Variants in DRC4 observed in about 807,000 individuals in gnomAD.
DRC4 encodes GAS-11.
chr16:90,042,632 C>T, the DRC4 span: 51 of 992,442 alleles, frequency 5.1e-5, 1 homozygote, highest in African/African-American at 5.7e-4. Context: ...GTGCCCACTT[C>T]GTACCTCGTT....
At chr16:90,021,856 C>CAAA in the DRC4 span, among the ~76,000 whole-genome samples, 1 of 28,940 alleles carries the variant, frequency 3.5e-5, no homozygotes, top group African/African-American at 1.3e-4. Flanking sequence ...ACCCTGTCTC[C>CAAA]AAAAAAAAAA....
chr16:90,044,958 A>G, the DRC4 span: 2 of 185,332 alleles, frequency 1.1e-5, no homozygotes, highest in East Asian at 1.6e-4. Context: ...GGATTATACT[A>G]TTTGTATTGT....
At chr16:90,020,002 G>A in the DRC4 span, 4 of 699,964 alleles carry the variant, frequency 5.7e-6, no homozygotes, top group Non-Finnish European at 1.0e-5. Context: ...AGAGCGCCAA[G>A]GCAGTTTCGA....
the DRC4 span, among the ~76,000 whole-genome samples, chr16:90,041,848 A>G: frequency 3.9e-5 from 6 of 152,118 alleles, no homozygotes; most frequent in African/African-American, 1.2e-4. Flanking sequence ...AATTTAAGCA[A>G]TATGTAGGTG....
chr16:90,027,252 A>G, the DRC4 span, among the ~76,000 whole-genome samples: 1 of 149,788 alleles, frequency 6.7e-6, no homozygotes, highest in Non-Finnish European at 1.5e-5. Flanking sequence ...CGCCCGGCTA[A>G]TTTTTTTTTG....
the DRC4 span, chr16:90,039,977 A>T: frequency 2.6e-6 from 1 of 386,896 alleles, no homozygotes; most frequent in South Asian, 2.4e-5. Context: ...CACTCGGGCA[A>T]GACTGGCCTC....
At chr16:90,036,422 G>A in the DRC4 span, 3 of 1,612,208 alleles carry the variant, frequency 1.9e-6, no homozygotes, top group Non-Finnish European at 2.5e-6. Flanking sequence ...GATGCTGAGG[G>A]ACGAACTCGA....
the DRC4 span, chr16:90,027,873 G>A: frequency 7.5e-6 from 5 of 666,072 alleles, no homozygotes; most frequent in African/African-American, 3.6e-5. Context: ...TCCCATCAGC[G>A]GCAAAGCTTT....
chr16:90,025,867 T>A, the DRC4 span, among the ~76,000 whole-genome samples: 3 of 121,430 alleles, frequency 2.5e-5, no homozygotes, highest in Admixed American at 9.1e-5. Flanking sequence ...GGAGACTCCA[T>A]CTCAAAAAAA....
chr16:90,031,619 T>A, the DRC4 span: 4 of 1,093,298 alleles, frequency 3.7e-6, no homozygotes, highest in Non-Finnish European at 5.1e-6. Flanking sequence ...GCCTTAAAGG[T>A]GTTTTTTATA....
the DRC4 span, chr16:90,040,328 G>A: frequency 9.4e-6 from 15 of 1,598,054 alleles, no homozygotes; most frequent in Admixed American, 3.5e-5. Context: ...GAGCTCTATC[G>A]GAAGTTCACC....
chr16:90,042,053 T>C, the DRC4 span, among the ~76,000 whole-genome samples: 1 of 152,102 alleles, frequency 6.6e-6, no homozygotes, highest in South Asian at 2.1e-4. Context: ...TTCTCATGCC[T>C]CAGCCTCCTG....
the DRC4 span, among the ~76,000 whole-genome samples, chr16:90,042,123 A>G: frequency 1.3e-5 from 2 of 151,978 alleles, no homozygotes; most frequent in African/African-American, 4.8e-5. Flanking sequence ...TATAGTAGAG[A>G]CGGGGTTTCG....
chr16:90,034,363 C>G, the DRC4 span, among the ~76,000 whole-genome samples: 3 of 152,162 alleles, frequency 2.0e-5, no homozygotes, highest in Admixed American at 6.5e-5. Context: ...GTGGCTCACG[C>G]CTGTAATCCC....
At chr16:90,037,742 A>T in the DRC4 span, 2 of 1,607,194 alleles carry the variant, frequency 1.2e-6, no homozygotes, top group Non-Finnish European at 1.7e-6. Context: ...TCTGTCCCCT[A>T]CTCCCTGTTT....
the DRC4 span, among the ~76,000 whole-genome samples, chr16:90,030,954 T>C: frequency 2.6e-5 from 4 of 152,132 alleles, no homozygotes; most frequent in African/African-American, 9.7e-5. Flanking sequence ...GTTATTTCCT[T>C]TTTGATATTT....
At chr16:90,033,593 G>A in the DRC4 span, among the ~76,000 whole-genome samples, 1 of 152,202 alleles carries the variant, frequency 6.6e-6, no homozygotes, top group African/African-American at 2.4e-5. Flanking sequence ...TTGAGCTCAG[G>A]AAGTCAAGGC....
chr16:90,032,986 A>C, the DRC4 span: 1 of 1,369,434 alleles, frequency 7.3e-7, no homozygotes. Flanking sequence ...CTAGTGCTGC[A>C]TGAACTCCTG....
At chr16:90,037,481 T>G in the DRC4 span, 1 of 1,475,920 alleles carries the variant, frequency 6.8e-7, no homozygotes, top group Non-Finnish European at 9.1e-7. Flanking sequence ...AGGGAGGGGC[T>G]TGGCCCTTAG....
Sources: allele counts gnomAD v4.1 joint callset (sites outside exome capture counted in the v4.1 genomes callset), GRCh38; gene constraint gnomAD v4.1.1; transcripts MANE v1.5; gene names NCBI Gene and HGNC (gene_info 2026-07-23, HGNC 2026-07-21).